PLD3: variants seen among roughly 807,000 people sequenced by gnomAD.
PLD3 encodes phospholipase D family member 3.
A neutral mutation model predicts 58.4 loss-of-function variants in PLD3; 31 were observed. The observed-to-expected ratio is 0.53, with a 90% CI of 0.40 to 0.72. The LOEUF is 0.72. PLD3 is among the 30% of genes least tolerant of loss of function. The pLI is 0.00. For missense variants in PLD3, 595 were observed against 659.8 expected, an observed-to-expected ratio of 0.90 and a Z score of 1.08; for synonymous variants, 264 against 273.4, an observed-to-expected ratio of 0.97 and a Z score of 0.34.
chr19:40,357,633 A>G (rs770323172), intron 1 of PLD3: 8 of 152,202 alleles, frequency 5.3e-5, no homozygotes, highest in Non-Finnish European at 8.8e-5. Context: ...ATAGAGAGAC[A>G]TCTAAAATAA....
chr19:40,364,752 C>T (rs181262029), intron 1 of PLD3, among the ~76,000 whole-genome samples: 3 of 148,734 alleles, frequency 2.0e-5, no homozygotes, highest in East Asian at 2.0e-4. Context: ...GCCGAGATGG[C>T]GCCACTGCAC....
At chr19:40,364,818 G>A (rs2078877339) in intron 1 of PLD3, among the ~76,000 whole-genome samples, 1 of 148,536 alleles carries the variant, frequency 6.7e-6, no homozygotes, top group Non-Finnish European at 1.5e-5. Context: ...AAAAAAAGCA[G>A]CTGGGCATGG....
Position 40,377,873 on chromosome 19 carries a change from G to T in PLD3, c.1273G>T (p.Ala425Ser), listed in dbSNP as rs570584298. 6.2e-7 allele frequency: 1 copy of T among 1,613,748 alleles called. No homozygotes were observed. Among genetic ancestry groups the T allele is most frequent in the South Asian group, 1.1e-5 (1 of 91,078 alleles). Reference protein sequence around the residue: ...NHNKYMVTERATYIGTSNWSG... With the variant: ...NHNKYMVTERSTYIGTSNWSG... The stretch of plus-strand genomic sequence containing the variant: ...CAACAAGTACATGGTGACTGAACGC[G>T]CCACCTACATCGGTGAGTGTCTTGA... Residue 425 changes from alanine to serine, a missense_variant, in exon 12 of 13, where the codon GCC becomes TCC. Coordinates refer to ENST00000409735, the MANE Select transcript of PLD3 (RefSeq NM_012268.4).
chr19:40,350,001 C>T, intron 1 of PLD3, among the ~76,000 whole-genome samples: 1 of 150,028 alleles, frequency 6.7e-6, no homozygotes, highest in East Asian at 2.0e-4. Context: ...TGGCTCACGC[C>T]TGTAATCCCA....
At chr19:40,348,880 AAT>A (rs1453927697) in intron 1 of PLD3, 112 bp downstream of exon 1, 1 of 150,022 alleles carries the variant, frequency 6.7e-6, no homozygotes, top group African/African-American at 2.5e-5. Flanking sequence ...TATGGAATAT[AAT>A]ATATATAATT....
chr19:40,373,991 CA>C (rs750537190), intron 9 of PLD3, among the ~76,000 whole-genome samples: 918 of 43,570 alleles, frequency 0.021, 1 homozygote, highest in Middle Eastern at 0.048. Flanking sequence ...GACTCCATCT[CA>C]AAAAAAAAAA....
Position 40,369,891 on chromosome 19 carries a change from C to G in PLD3, c.430-17C>G, listed in dbSNP as rs761251427. 1 of 1,543,474 alleles carries G rather than the reference C, an allele frequency of 6.5e-7. No individual in the cohort carries two copies. Among genetic ancestry groups the G allele is most frequent in the Non-Finnish European group, 8.7e-7 (1 of 1,144,904 alleles). ...GCTGGCTGGTCCAGCCCCTCAGAAGCTCTCCCCTCCCCGCAGGGTGAGGAG... is the reference window on the plus strand; with the variant it reads ...GCTGGCTGGTCCAGCCCCTCAGAAGGTCTCCCCTCCCCGCAGGGTGAGGAG... On this transcript the variant is annotated splice_polypyrimidine_tract_variant and intron_variant, in intron 6 of 12. Coordinates refer to ENST00000409735, the MANE Select transcript of PLD3 (RefSeq NM_012268.4).
chr19:40,367,773 C>G lies in PLD3; in HGVS notation c.323C>G (p.Ala108Gly). Residue 108 changes from alanine to glycine, a missense_variant, in exon 6 of 13, where the codon GCC becomes GGC. Ala to Gly is a moderately conservative substitution (Grantham distance 60). Coordinates refer to ENST00000409735, the MANE Select transcript of PLD3 (RefSeq NM_012268.4). ...ACGGGGAACCCTTCCACCAGCCAGG[C>G]CTGGCTGGGCCTGCTCGCCGGTGCG... ...ASTGNPSTSQ[A>G]WLGLLAGAHS... 2 of 1,613,350 alleles carry G rather than the reference C, an allele frequency of 1.2e-6. No individual in the cohort carries two copies. The highest frequency in any genetic ancestry group is 1.7e-6 in the Non-Finnish European group (2 of 1,179,780).
chr19:40,372,229 G>C (rs2079083432), intron 9 of PLD3, among the ~76,000 whole-genome samples: 2 of 152,132 alleles, frequency 1.3e-5, no homozygotes, highest in Non-Finnish European at 2.9e-5. Flanking sequence ...GCTTATGCCT[G>C]TAATCCCAAT....
intron 1 of PLD3, among the ~76,000 whole-genome samples, chr19:40,353,489 C>G (rs574556087): frequency 6.6e-6 from 1 of 152,286 alleles, no homozygotes; most frequent in Non-Finnish European, 1.5e-5. Context: ...CAGGTAATTT[C>G]CCTGAGCCCT....
At chr19:40,374,668 C>T (rs755052747) in intron 10 of PLD3, 48 bp downstream of exon 10, 12 of 1,607,596 alleles carry the variant, frequency 7.5e-6, no homozygotes, top group African/African-American at 1.3e-5. Flanking sequence ...GGCCAGGAGA[C>T]GGGAGAGGGA....
chr19:40,361,220 C>G (rs906800822), intron 1 of PLD3, among the ~76,000 whole-genome samples: 1 of 152,166 alleles, frequency 6.6e-6, no homozygotes, highest in African/African-American at 2.4e-5. Context: ...AAGCGATTCT[C>G]CTGCCTCAGC....
At chr19:40,353,130 G>A (rs1463570366) in intron 1 of PLD3, among the ~76,000 whole-genome samples, 1 of 152,036 alleles carries the variant, frequency 6.6e-6, no homozygotes, top group Non-Finnish European at 1.5e-5. Context: ...TACTGCCCTG[G>A]AATACAACTG....
chr19:40,368,468 G>C (rs1341488053), intron 6 of PLD3, among the ~76,000 whole-genome samples: 1 of 152,160 alleles, frequency 6.6e-6, no homozygotes, highest in Non-Finnish European at 1.5e-5. Context: ...AATTTGAAAA[G>C]GAACAGCCTA....
Position 40,377,996 on chromosome 19 carries a change from C to T in PLD3, c.1296C>T (p.Asn432=), listed in dbSNP as rs1159080126. 1 of 1,612,470 alleles carries T rather than the reference C, an allele frequency of 6.2e-7. No individual in the cohort carries two copies. Among genetic ancestry groups the T allele is most frequent in the African/African-American group, 1.3e-5 (1 of 74,902 alleles). Residue 432 remains asparagine (N), a synonymous_variant, in exon 13 of 13, where the codon AAC becomes AAT. Transcript: ENST00000409735. ...TERATYIGTS[N]WSGNYFTETA... ...CCCATTCCTCTCTAGGAACCTCCAA[C>T]TGGTCTGGCAACTACTTCACGGAGA... is the stretch of plus-strand genomic sequence containing the variant.
At chr19:40,376,337 A>G (rs1202937092) in intron 10 of PLD3, 1 of 408,202 alleles carries the variant, frequency 2.4e-6, no homozygotes, top group Non-Finnish European at 4.4e-6. Context: ...CGTGGGCAAC[A>G]AGAGCGAAAT....
chr19:40,361,018 A>G (rs2078768241), intron 1 of PLD3, among the ~76,000 whole-genome samples: 1 of 151,444 alleles, frequency 6.6e-6, no homozygotes, highest in South Asian at 2.2e-4. Context: ...GAAGTGGCTC[A>G]TGCCTGAAAT....
intron 1 of PLD3, chr19:40,359,624 C>G (rs915748923): frequency 6.6e-6 from 1 of 152,090 alleles, no homozygotes; most frequent in African/African-American, 2.4e-5. Context: ...ATGGGGCACC[C>G]TAGCTAGGAG....
In PLD3 at chr19:40,376,567, G is replaced by A. The variant is rs199752054; in HGVS notation, c.1020-42G>A. The A allele has an allele frequency of 1.6e-3, 2,520 of 1,581,932 alleles. 3 individuals carry two copies. Among genetic ancestry groups the A allele is most frequent in the Non-Finnish European group, 1.9e-3 (2,226 of 1,163,946 alleles). On this transcript the variant is annotated intron_variant, in intron 10 of 12. Transcript: ENST00000409735. ...GAGGGCAAAGCCTGTGGACACAGCC[G>A]CCCTCTGCATCCTGCCCCACCTCCT...
Sources: allele counts gnomAD v4.1 joint callset (sites outside exome capture counted in the v4.1 genomes callset), GRCh38; gene constraint gnomAD v4.1.1; transcripts MANE v1.5; gene names NCBI Gene and HGNC (gene_info 2026-07-23, HGNC 2026-07-21).